NRXN1: variants seen among roughly 807,000 people sequenced by gnomAD.
NRXN1 encodes neurexin-1.
Under a neutral mutation model 150.9 loss-of-function variants are expected in NRXN1, and 39 were observed. That is an observed-to-expected ratio of 0.26 (90% CI 0.20 to 0.34). The LOEUF (loss-of-function observed/expected upper bound fraction) is 0.34. Ranked by LOEUF, NRXN1 falls within the 10% of genes least tolerant of loss-of-function variation. The probability of loss-of-function intolerance (pLI) is 1.00; values close to 1 mark genes in which losing one functional copy is unlikely to be tolerated. For missense variants in NRXN1, 1,815 were observed against 1,949.9 expected, an observed-to-expected ratio of 0.93 and a Z score of 1.30; for synonymous variants, 924 against 757.0, an observed-to-expected ratio of 1.22 and a Z score of -3.62.
intron 18 of NRXN1, among the ~76,000 whole-genome samples, chr2:50,235,073 CT>C (rs2152876961): frequency 6.6e-6 from 1 of 152,008 alleles, no homozygotes; most frequent in East Asian, 1.9e-4. Flanking sequence ...ATTGTAGAAC[CT>C]TTTCTCAGAG....
chr2:50,823,179 C>T (rs1327052871), intron 5 of NRXN1, among the ~76,000 whole-genome samples: 1 of 152,076 alleles, frequency 6.6e-6, no homozygotes, highest in Non-Finnish European at 1.5e-5. Flanking sequence ...CAAAACAGCT[C>T]CTTCAAATGT....
At chr2:50,725,070 G>T (rs1416976106) in intron 5 of NRXN1, among the ~76,000 whole-genome samples, 1 of 151,108 alleles carries the variant, frequency 6.6e-6, no homozygotes, top group Non-Finnish European at 1.5e-5. Context: ...ACTTGGATTT[G>T]CACATTCAGA....
At chr2:50,483,754 A>C (rs1216211660) in intron 15 of NRXN1, among the ~76,000 whole-genome samples, 1 of 152,202 alleles carries the variant, frequency 6.6e-6, no homozygotes, top group African/African-American at 2.4e-5. Flanking sequence ...TATTTTTACT[A>C]AAACCCTTCT....
intron 9 of NRXN1, among the ~76,000 whole-genome samples, chr2:50,546,575 T>C (rs1312053091): frequency 6.6e-6 from 1 of 152,124 alleles, no homozygotes; most frequent in Admixed American, 6.6e-5. Flanking sequence ...ATAAAATATA[T>C]ATAATGTTAA....
rs66612444 is a variant in NRXN1, at chr2:49,920,697, CGTGTGTGTGTGT to C, written c.*1235_*1246del. 10,484 of 142,862 alleles carry C rather than the reference CGTGTGTGTGTGT, an allele frequency of 0.073. 417 individuals are homozygous for C. The highest frequency in any genetic ancestry group is 0.089 in the Middle Eastern group (26 of 292). 8.8% of individuals were successfully genotyped at this position (142,862 alleles called of 1,614,324 possible). A position where few individuals can be genotyped will look rare whatever the true frequency, so the allele number is the denominator to read the frequency against. On this transcript the variant is annotated 3_prime_UTR_variant, in exon 23 of 23. Coordinates refer to ENST00000401669, the MANE Select transcript of NRXN1 (RefSeq NM_001330078.2). ...CATATCTGATGGATTGCTGTGGATT[CGTGTGTGTGTGT>C]GTGTGTGTGTGTGTGTGTGTGTGTG...
intron 8 of NRXN1, among the ~76,000 whole-genome samples, chr2:50,586,314 ATCT>A (rs1293476890): frequency 6.6e-6 from 1 of 152,088 alleles, no homozygotes; most frequent in African/African-American, 2.4e-5. Flanking sequence ...AATTGCCACC[ATCT>A]TCTTCTTCTG....
intron 17 of NRXN1, among the ~76,000 whole-genome samples, chr2:50,408,017 A>G (rs137887100): frequency 6.6e-6 from 1 of 152,254 alleles, no homozygotes; most frequent in African/African-American, 2.4e-5. Flanking sequence ...ATGACAATGC[A>G]CTCAATAAAT....
chr2:50,430,845 C>T (rs1463163354), intron 17 of NRXN1, among the ~76,000 whole-genome samples: 3 of 152,132 alleles, frequency 2.0e-5, no homozygotes, highest in African/African-American at 7.2e-5. Flanking sequence ...TCATTTGAAA[C>T]TCTTGCATTG....
At chr2:50,389,371 AAGTT>A (rs1313885514) in intron 17 of NRXN1, among the ~76,000 whole-genome samples, 1 of 150,956 alleles carries the variant, frequency 6.6e-6, no homozygotes, top group Non-Finnish European at 1.5e-5. Context: ...TAGAGAAAGA[AAGTT>A]AGACAATAAG....
chr2:50,244,492 AG>A (rs2066326505), intron 17 of NRXN1, among the ~76,000 whole-genome samples: 1 of 151,910 alleles, frequency 6.6e-6, no homozygotes, highest in African/African-American at 2.4e-5. Context: ...TGACATTATA[AG>A]GGCATTAACT....
intron 17 of NRXN1, among the ~76,000 whole-genome samples, chr2:50,317,033 G>A (rs2075666022): frequency 6.6e-6 from 1 of 151,958 alleles, no homozygotes; most frequent in Admixed American, 6.6e-5. Flanking sequence ...GAGTATTTTG[G>A]AGTTATATTT....
chr2:50,208,421 G>A (rs974946106), intron 18 of NRXN1, among the ~76,000 whole-genome samples: 12 of 152,020 alleles, frequency 7.9e-5, no homozygotes, highest in Admixed American at 7.2e-4. Flanking sequence ...ATACAGTTCC[G>A]GTCTCCCTCC....
rs2103950051 is a variant in NRXN1, at chr2:49,918,931, A to C, written c.*3013T>G. On this transcript the variant is annotated 3_prime_UTR_variant, in exon 23 of 23. Coordinates refer to ENST00000401669, the MANE Select transcript of NRXN1 (RefSeq NM_001330078.2). Reference sequence around the variant, plus strand: ...TGCTTAGCATTTCCAATAATGGATAAATTGGCCTTGCAACAGAAAAACAAA... The same window carrying C: ...TGCTTAGCATTTCCAATAATGGATACATTGGCCTTGCAACAGAAAAACAAA... 6.6e-6 allele frequency: 1 copy of C among 152,252 alleles called. No individual in the cohort carries two copies. Among genetic ancestry groups the C allele is most frequent in the South Asian group, 2.1e-4 (1 of 4,834 alleles). The allele number at this position is 152,252 out of a possible 1,614,324, so 9.4% of individuals were successfully genotyped here.
At chr2:50,554,268 G>C (rs1171408499) in intron 8 of NRXN1, 2 of 152,122 alleles carry the variant, frequency 1.3e-5, no homozygotes, top group Non-Finnish European at 2.9e-5. Context: ...GCCTGTATCT[G>C]ATTAGCGCTA....
chr2:50,811,040 G>A (rs539950770), intron 5 of NRXN1, among the ~76,000 whole-genome samples: 9 of 152,224 alleles, frequency 5.9e-5, no homozygotes, highest in African/African-American at 1.9e-4. Context: ...CCCTGGTAAG[G>A]GGGACAGATA....
chr2:50,319,245 A>G (rs1015130383), intron 17 of NRXN1, among the ~76,000 whole-genome samples: 3 of 152,078 alleles, frequency 2.0e-5, no homozygotes, highest in Admixed American at 1.3e-4. Flanking sequence ...TTTTTATAGC[A>G]TTCCCTCACA....
intron 5 of NRXN1, among the ~76,000 whole-genome samples, chr2:50,703,312 T>C (rs1033228245): frequency 1.2e-4 from 18 of 152,050 alleles, no homozygotes; most frequent in African/African-American, 4.3e-4. Context: ...GTTTAACAGA[T>C]CCAGGTAACT....
At chr2:50,810,907 G>A (rs1481501588) in intron 5 of NRXN1, among the ~76,000 whole-genome samples, 1 of 152,002 alleles carries the variant, frequency 6.6e-6, no homozygotes, top group Non-Finnish European at 1.5e-5. Flanking sequence ...TTGAACTCGA[G>A]AGGCGGTGAT....
intron 5 of NRXN1, among the ~76,000 whole-genome samples, chr2:50,716,443 CTAAG>C (rs1369854356): frequency 6.6e-6 from 1 of 151,758 alleles, no homozygotes; most frequent in Non-Finnish European, 1.5e-5. Context: ...AAGCAACTGG[CTAAG>C]TAATAATGAA....
Sources: allele counts gnomAD v4.1 joint callset (sites outside exome capture counted in the v4.1 genomes callset), GRCh38; gene constraint gnomAD v4.1.1; transcripts MANE v1.5; gene names NCBI Gene and HGNC (gene_info 2026-07-23, HGNC 2026-07-21).